The following CDH13 variants were observed in gnomAD, a reference collection of about 807,000 sequenced individuals.
CDH13 encodes cadherin-13.
A neutral mutation model predicts 63.8 loss-of-function variants in CDH13; 24 were observed. The ratio of observed to expected loss-of-function variants is 0.38; its 90% confidence interval spans 0.27 to 0.53. The LOEUF (loss-of-function observed/expected upper bound fraction) is 0.53. CDH13 is among the 20% of genes least tolerant of loss of function. The pLI is 0.85. For missense variants in CDH13, 1,049 were observed against 903.1 expected (o/e 1.16, Z -2.07); for synonymous variants, 503 against 355.3 (o/e 1.42, Z -4.67).
rs375388831 is a variant in CDH13 at position 83,016,861 on chromosome 16, T to C, written c.158-15149T>C. On this transcript the variant is annotated intron_variant, in intron 2 of 13. Transcript: ENST00000567109. ...CATCTACATACTGGCTACACGTCAT[T>C]TATGACATTTATGAAAACCAAAATT... 1.3e-4 allele frequency among the ~76,000 whole-genome samples: 20 copies of C among 152,302 alleles called. 1 individual carries two copies. The South Asian group carries it at 4.1e-3, about 32-fold the overall frequency.
chr16:83,201,044 C>G (rs959582028), intron 4 of CDH13, among the ~76,000 whole-genome samples: 9 of 151,648 alleles, frequency 5.9e-5, no homozygotes, highest in Admixed American at 2.0e-4. Context: ...TCTCTTGGAA[C>G]TCAAGCCCAA....
rs149954865 is a variant in CDH13, at chr16:82,795,279, G to A, written c.46-63083G>A. Among the ~76,000 whole-genome samples, 448 of 152,316 alleles carry A rather than the reference G, an allele frequency of 2.9e-3. 2 individuals are homozygous for A. The highest frequency in any genetic ancestry group is 0.01 in the African/African-American group (417 of 41,586). ...GTTGTCCCAGGGGACTGGAAATCAA[G>A]GGTGCTGAGTAAACTCAGCCTCAGT... On this transcript the variant is annotated intron_variant, in intron 1 of 13. Transcript: ENST00000567109.
intron 7 of CDH13, among the ~76,000 whole-genome samples, chr16:83,601,666 G>C (rs1013125655): frequency 1.2e-4 from 19 of 152,206 alleles, no homozygotes; most frequent in Admixed American, 2.0e-4. Flanking sequence ...TGCAATGCCT[G>C]CCTCATCAGA....
At chr16:83,780,895 T>C (rs1457596553) in intron 12 of CDH13, among the ~76,000 whole-genome samples, 2 of 152,202 alleles carry the variant, frequency 1.3e-5, no homozygotes, top group Non-Finnish European at 2.9e-5. Context: ...CACCAGCGCA[T>C]TGGAGAGGCT....
At chr16:83,620,591 GT>G (rs1001394954) in intron 8 of CDH13, among the ~76,000 whole-genome samples, 1 of 152,068 alleles carries the variant, frequency 6.6e-6, no homozygotes, top group Admixed American at 6.5e-5. Context: ...ATGAGTAGAC[GT>G]TTATGTAGTA....
intron 10 of CDH13, among the ~76,000 whole-genome samples, chr16:83,697,280 A>C (rs948830843): frequency 5.3e-5 from 8 of 152,244 alleles, no homozygotes; most frequent in African/African-American, 1.7e-4. Context: ...TTGCCTTCTT[A>C]TTTCAGCTCT....
chr16:83,319,575 T>C (rs1362686370), intron 5 of CDH13, among the ~76,000 whole-genome samples: 1 of 152,220 alleles, frequency 6.6e-6, no homozygotes, highest in African/African-American at 2.4e-5. Context: ...TATGAAATAT[T>C]GAAATCCTCA....
In CDH13 at chr16:83,336,312, A is replaced by G. The variant is rs200440602; in HGVS notation, c.637-8550A>G. 7.9e-3 allele frequency among the ~76,000 whole-genome samples: 1,137 copies of G among 143,854 alleles called. 17 individuals carry two copies. Among genetic ancestry groups the G allele is most frequent in the Non-Finnish European group, 0.011 (748 of 66,426 alleles). The allele number at this position is 143,854 out of a possible 152,430, so 94.4% of individuals were successfully genotyped here. A position where few individuals can be genotyped will look rare whatever the true frequency, so the allele number is the denominator to read the frequency against. On this transcript the variant is annotated intron_variant, in intron 5 of 13. Coordinates refer to ENST00000567109, the MANE Select transcript of CDH13 (RefSeq NM_001257.5). Reference sequence around the variant, plus strand: ...CAAGACTCCATCTCAAAAAAAAAAAAAAAAAAGAAATTTGGAATGAAAGCA... The same window carrying G: ...CAAGACTCCATCTCAAAAAAAAAAAGAAAAAAGAAATTTGGAATGAAAGCA...
chr16:83,111,638 T>C (rs1316918618), intron 3 of CDH13, among the ~76,000 whole-genome samples: 9 of 152,174 alleles, frequency 5.9e-5, no homozygotes. Flanking sequence ...ATTACATTTA[T>C]GTTTGGTCAG....
chr16:82,686,855 G>A (rs1915125298), intron 1 of CDH13, among the ~76,000 whole-genome samples: 1 of 152,162 alleles, frequency 6.6e-6, no homozygotes, highest in Non-Finnish European at 1.5e-5. Flanking sequence ...ACAACACAGG[G>A]AACACGACTT....
intron 6 of CDH13, among the ~76,000 whole-genome samples, chr16:83,407,196 C>G (rs890393775): frequency 6.6e-6 from 1 of 152,200 alleles, no homozygotes; most frequent in African/African-American, 2.4e-5. Context: ...TGCAAGTGGA[C>G]TCATTCAGCA....
At chr16:82,961,568 G>T (rs1297609221) in intron 2 of CDH13, among the ~76,000 whole-genome samples, 1 of 113,218 alleles carries the variant, frequency 8.8e-6, no homozygotes, top group Non-Finnish European at 1.7e-5. Flanking sequence ...ATAAGCAGGG[G>T]ACTTAAAAAA....
chr16:83,212,885 C>A (rs2039380352), intron 4 of CDH13, among the ~76,000 whole-genome samples: 1 of 152,178 alleles, frequency 6.6e-6, no homozygotes, highest in Non-Finnish European at 1.5e-5. Flanking sequence ...TCCAGTGAAT[C>A]ATATCTTGAG....
At chr16:83,148,624 T>C (rs1002470581) in intron 4 of CDH13, among the ~76,000 whole-genome samples, 1 of 152,208 alleles carries the variant, frequency 6.6e-6, no homozygotes, top group Non-Finnish European at 1.5e-5. Flanking sequence ...TTGAGAGTAT[T>C]CCAGTACATG....
intron 7 of CDH13, among the ~76,000 whole-genome samples, chr16:83,535,164 G>A (rs562176420): frequency 6.6e-6 from 1 of 152,212 alleles, no homozygotes; most frequent in Non-Finnish European, 1.5e-5. Context: ...AGCATAAGGG[G>A]TGCTCCAGGC....
chr16:83,626,137 C>T (rs917443867), intron 8 of CDH13, among the ~76,000 whole-genome samples: 4 of 152,032 alleles, frequency 2.6e-5, no homozygotes, highest in Admixed American at 1.3e-4. Context: ...CAGCCTCCTG[C>T]GTAGCTGGGG....
At chr16:83,293,212 G>T (rs188132474) in intron 5 of CDH13, among the ~76,000 whole-genome samples, 92 of 152,310 alleles carry the variant, frequency 6.0e-4, no homozygotes, top group African/African-American at 2.0e-3. Context: ...CAAATCCTAT[G>T]ATAAGAGGTC....
intron 7 of CDH13, among the ~76,000 whole-genome samples, chr16:83,514,912 C>T (rs551302815): frequency 3.3e-5 from 5 of 152,218 alleles, no homozygotes; most frequent in Middle Eastern, 3.4e-3. Flanking sequence ...TTTTGAGCCC[C>T]TCCGGTTTGT....
intron 4 of CDH13, among the ~76,000 whole-genome samples, chr16:83,192,154 C>A (rs548463661): frequency 2.0e-5 from 3 of 152,346 alleles, no homozygotes; most frequent in African/African-American, 7.2e-5. Flanking sequence ...AGAGCCGTTC[C>A]TTTGCCTCCA....
Sources: allele counts gnomAD v4.1 joint callset (sites outside exome capture counted in the v4.1 genomes callset), GRCh38; gene constraint gnomAD v4.1.1; transcripts MANE v1.5; gene names NCBI Gene and HGNC (gene_info 2026-07-23, HGNC 2026-07-21).